Variants in TRAK1 observed in about 807,000 individuals in gnomAD.
The protein encoded by TRAK1 is trafficking kinesin protein 1.
A neutral mutation model predicts 92.1 loss-of-function variants in TRAK1; 33 were observed. The ratio of observed to expected loss-of-function variants is 0.36; its 90% confidence interval spans 0.27 to 0.48. The LOEUF is 0.48. Ranked by LOEUF, TRAK1 falls within the 20% of genes least tolerant of loss-of-function variation. The pLI, the probability that TRAK1 is intolerant of heterozygous loss-of-function variation, is 0.99. For missense variants in TRAK1, 1,123 were observed against 1,257.9 expected (o/e 0.89, Z 1.62); for synonymous variants, 521 against 517.3 (o/e 1.01, Z -0.10).
At chr3:42,096,426 G>A (rs1458736873) in intron 1 of TRAK1, among the ~76,000 whole-genome samples, 1 of 152,030 alleles carries the variant, frequency 6.6e-6, no homozygotes, top group African/African-American at 2.4e-5. Context: ...CTAGTTTTTT[G>A]TGTTTTTAGT....
chr3:42,199,374 A>G (rs1705132982), intron 11 of TRAK1, 121 bp downstream of exon 11: 2 of 901,196 alleles, frequency 2.2e-6, no homozygotes, highest in Non-Finnish European at 1.7e-6. Flanking sequence ...TGTCCTTCCC[A>G]GTCCAGATTA....
intron 1 of TRAK1, among the ~76,000 whole-genome samples, chr3:42,071,746 T>C (rs1703941814): frequency 1.3e-5 from 2 of 151,736 alleles, no homozygotes; most frequent in South Asian, 4.2e-4. Context: ...CTCCCCCTTT[T>C]CTTTCTCCCC....
chr3:42,184,655 A>G (rs1704515746), intron 3 of TRAK1, 30 bp from the exon 4 acceptor site: 2 of 1,606,668 alleles, frequency 1.2e-6, no homozygotes, highest in Admixed American at 3.4e-5. Flanking sequence ...AGGTCTTTTG[A>G]ATCTCTGTTC....
rs373445830 is a variant in TRAK1 at position 42,175,016 on chromosome 3, ATCT to A, written c.287-1793_287-1791del. ...AGTGTTAGAGAAATAGCAGCTCTGA[ATCT>A]TCTTGTACAGATAATAGAGCCAGGT... On this transcript the variant is annotated intron_variant, in intron 2 of 15. Transcript: ENST00000327628. 4.2e-3 allele frequency among the ~76,000 whole-genome samples: 647 copies of A among 152,260 alleles called. 6 individuals are homozygous for A. Among genetic ancestry groups the A allele is most frequent in the African/African-American group, 0.015 (614 of 41,546 alleles).
chr3:42,023,083 G>A (rs1453422869), intron 1 of TRAK1, among the ~76,000 whole-genome samples: 6 of 149,088 alleles, frequency 4.0e-5, no homozygotes, highest in Non-Finnish European at 5.9e-5. Flanking sequence ...GCGTGAACAC[G>A]GGAGGCAGAG....
chr3:42,038,853 G>C (rs1354170991), intron 1 of TRAK1, among the ~76,000 whole-genome samples: 1 of 140,624 alleles, frequency 7.1e-6, no homozygotes, highest in South Asian at 2.3e-4. Context: ...TGTTGCCCAG[G>C]TTGGTCTCAA....
intron 2 of TRAK1, among the ~76,000 whole-genome samples, chr3:42,141,308 A>G (rs1281074965): frequency 6.6e-6 from 1 of 152,222 alleles, no homozygotes; most frequent in Non-Finnish European, 1.5e-5. Flanking sequence ...AATGCTTACA[A>G]AAGAGAACAT....
At position 42,211,642 on chromosome 3, in the gene TRAK1, G is replaced by A. The variant is rs111501418; in HGVS notation, c.1963+1657G>A. ...AGGTGAGTTCTGGAAGTGCAAAGAAGCACCATTAAGTGCATCTTCTAGAAG... is the reference window on the plus strand; with the variant it reads ...AGGTGAGTTCTGGAAGTGCAAAGAAACACCATTAAGTGCATCTTCTAGAAG... On this transcript the variant is annotated intron_variant, in intron 14 of 15. Coordinates refer to ENST00000327628, the MANE Select transcript of TRAK1 (RefSeq NM_001042646.3). 3.1e-5 allele frequency: 31 copies of A among 985,362 alleles called. No homozygotes were observed. The African/African-American group carries it at 5.2e-4, about 17-fold the overall frequency. 61.0% of individuals were successfully genotyped at this position (985,362 alleles called of 1,614,324 possible).
At chr3:42,092,711 G>GTGTTA (rs71078412) in intron 1 of TRAK1, among the ~76,000 whole-genome samples, 11,948 of 100,584 alleles carry the variant, frequency 0.12, 857 homozygotes, top group African/African-American at 0.17. Context: ...GTGTTGTGTT[G>GTGTTA]TGTTATGTTA....
intron 2 of TRAK1, among the ~76,000 whole-genome samples, chr3:42,133,468 C>G (rs543084658): frequency 6.6e-6 from 1 of 152,332 alleles, no homozygotes; most frequent in East Asian, 1.9e-4. Flanking sequence ...AGTCCTCCTG[C>G]CTCAGCCTTC....
chr3:42,201,908 A>ACACACACAC (rs1707672791), intron 12 of TRAK1, among the ~76,000 whole-genome samples: 1 of 151,640 alleles, frequency 6.6e-6, no homozygotes, highest in South Asian at 2.1e-4. Context: ...ACACACACAC[A>ACACACACAC]CACACACACA....
At chr3:42,065,199 C>T (rs1216582820) in intron 1 of TRAK1, among the ~76,000 whole-genome samples, 1 of 152,120 alleles carries the variant, frequency 6.6e-6, no homozygotes. Context: ...TTGCAGTGAG[C>T]CAAGATTGTG....
intron 11 of TRAK1, among the ~76,000 whole-genome samples, chr3:42,199,932 A>G (rs1344238632): frequency 1.3e-5 from 2 of 152,226 alleles, no homozygotes; most frequent in Admixed American, 6.5e-5. Flanking sequence ...TTTAAAATCA[A>G]CGTAGTGTGA....
chr3:42,073,847 G>T (rs570946344), intron 1 of TRAK1, among the ~76,000 whole-genome samples: 1 of 152,312 alleles, frequency 6.6e-6, no homozygotes, highest in East Asian at 1.9e-4. Flanking sequence ...GGGAGGAACA[G>T]ACCTCTTTGC....
At chr3:42,090,877 T>A (rs1246556088), upstream of TRAK1, among the ~76,000 whole-genome samples, 1 of 152,170 alleles carries the variant, frequency 6.6e-6, no homozygotes, top group African/African-American at 2.4e-5. Context: ...GACACTCTTA[T>A]GCGTTTAAGG....
chr3:42,173,658 T>G (rs1479211931), intron 2 of TRAK1, among the ~76,000 whole-genome samples: 3 of 152,176 alleles, frequency 2.0e-5, no homozygotes, highest in Non-Finnish European at 4.4e-5. Flanking sequence ...TCCGTTTTAG[T>G]ACAGGAGCCA....
chr3:42,014,878 C>T (rs1485078555), intron 1 of TRAK1, among the ~76,000 whole-genome samples: 1 of 151,498 alleles, frequency 6.6e-6, no homozygotes, highest in Non-Finnish European at 1.5e-5. Flanking sequence ...TCAATACTGT[C>T]TGTGAGTGTG....
At position 42,187,686 on chromosome 3, in the gene TRAK1, C is replaced by G. The variant is rs189232772; in HGVS notation, c.481-359C>G. On this transcript the variant is annotated intron_variant, in intron 4 of 15. Coordinates refer to ENST00000327628, the MANE Select transcript of TRAK1 (RefSeq NM_001042646.3). ...TTCACCATGTTGGTCAGGCTGGTCTCGAACTCCTGACTTCAGATGATCTGC... is the reference window on the plus strand; with the variant it reads ...TTCACCATGTTGGTCAGGCTGGTCTGGAACTCCTGACTTCAGATGATCTGC... Among the ~76,000 whole-genome samples the G allele has an allele frequency of 9.2e-5, 14 of 152,208 alleles. No individual in the cohort carries two copies. The East Asian group carries it at 2.5e-3, about 27-fold the overall frequency.
At chr3:42,217,940 T>C (rs888320872) in intron 14 of TRAK1, 1 of 985,322 alleles carries the variant, frequency 1.0e-6, no homozygotes, top group East Asian at 1.1e-4. Context: ...TCATAAAGGC[T>C]ATTTTTATGT....
Sources: gnomAD v4.1 joint callset for allele counts (sites outside exome capture counted in the v4.1 genomes callset) on GRCh38, gnomAD v4.1.1 for gene constraint, MANE v1.5 for transcripts, NCBI Gene and HGNC (gene_info 2026-07-23, HGNC 2026-07-21) for gene names.